RGS7: variants seen among roughly 807,000 people sequenced by gnomAD.
RGS7 encodes regulator of G-protein signaling 7.
In RGS7, 27 loss-of-function variants were observed where a neutral mutation model predicts 81.1. That is an observed-to-expected ratio of 0.33 (90% CI 0.25 to 0.46). RGS7 has a LOEUF of 0.46. Among genes scored for constraint, RGS7 ranks in the 20% least tolerant of loss-of-function variants. The pLI is 1.00. For missense variants in RGS7, 396 were observed against 607.4 expected (o/e 0.65, Z 3.66); for synonymous variants, 208 against 207.7 (o/e 1.00, Z -0.01).
At chr1:240,805,661 A>G (rs770997191) in intron 15 of RGS7, among the ~76,000 whole-genome samples, 4 of 152,168 alleles carry the variant, frequency 2.6e-5, no homozygotes, top group Non-Finnish European at 5.9e-5. Context: ...CACCAGAGAT[A>G]AAACTGGTTT....
chr1:241,106,960 T>C (rs1167869794), intron 2 of RGS7, among the ~76,000 whole-genome samples: 1 of 150,888 alleles, frequency 6.6e-6, no homozygotes, highest in Non-Finnish European at 1.5e-5. Context: ...CCACTGAAAA[T>C]AAATAAACAG....
At chr1:241,171,049 T>G (rs2070698921) in intron 2 of RGS7, among the ~76,000 whole-genome samples, 2 of 152,172 alleles carry the variant, frequency 1.3e-5, no homozygotes, top group East Asian at 1.9e-4. Flanking sequence ...AAAAAATTAT[T>G]GCTTTGCTGC....
chr1:240,799,250 GGTTTGTGTGT>G (rs1335112927), intron 18 of RGS7, among the ~76,000 whole-genome samples: 87 of 137,140 alleles, frequency 6.3e-4, no homozygotes, highest in Non-Finnish European at 1.1e-3. Context: ...TTATTATTAT[GGTTTGTGTGT>G]GTGTGTGTGT....
At chr1:240,883,498 C>T (rs1029069869) in intron 6 of RGS7, among the ~76,000 whole-genome samples, 2 of 152,150 alleles carry the variant, frequency 1.3e-5, no homozygotes, top group African/African-American at 2.4e-5. Flanking sequence ...TTAAACCTCA[C>T]ATTAAATCCT....
At chr1:241,230,496 G>A (rs1264194617) in intron 2 of RGS7, among the ~76,000 whole-genome samples, 1 of 152,172 alleles carries the variant, frequency 6.6e-6, no homozygotes, top group East Asian at 1.9e-4. Context: ...TTACTATCAT[G>A]AGCCACCGCA....
chr1:240,860,090 G>T (rs1257673863), intron 9 of RGS7, among the ~76,000 whole-genome samples: 1 of 152,092 alleles, frequency 6.6e-6, no homozygotes, highest in East Asian at 1.9e-4. Flanking sequence ...TTCTAAATTT[G>T]TTAAGGTGTG....
intron 2 of RGS7, among the ~76,000 whole-genome samples, chr1:241,139,524 G>A (rs1489770274): frequency 6.6e-6 from 1 of 152,182 alleles, no homozygotes; most frequent in Non-Finnish European, 1.5e-5. Flanking sequence ...ATATTTGAAA[G>A]TGGAATCATT....
intron 2 of RGS7, among the ~76,000 whole-genome samples, chr1:241,273,785 A>T (rs893401608): frequency 2.6e-5 from 4 of 152,100 alleles, no homozygotes; most frequent in African/African-American, 9.7e-5. Context: ...CCTTGTCCTT[A>T]AAAAAAGTCC....
intron 2 of RGS7, chr1:241,132,236 A>C (rs971263340): frequency 1.9e-5 from 3 of 154,800 alleles, no homozygotes; most frequent in African/African-American, 7.2e-5. Flanking sequence ...ATTTTTTTCC[A>C]GGTGGCCATG....
intron 3 of RGS7, among the ~76,000 whole-genome samples, chr1:241,059,634 C>T (rs2061645461): frequency 6.6e-6 from 1 of 152,066 alleles, no homozygotes; most frequent in Non-Finnish European, 1.5e-5. Flanking sequence ...TGTAAAGACC[C>T]AGGAAGCCCA....
chr1:240,867,957 T>C (rs1663617697), intron 9 of RGS7, among the ~76,000 whole-genome samples: 4 of 145,642 alleles, frequency 2.7e-5, no homozygotes, highest in Admixed American at 2.1e-4. Flanking sequence ...GCCAAGATCA[T>C]GCCACTGTAC....
intron 6 of RGS7, chr1:240,920,025 G>C: frequency 8.4e-7 from 1 of 1,197,580 alleles, no homozygotes. Context: ...AGATTATTTT[G>C]AACAGTTTGG....
chr1:240,909,342 A>G (rs191546592), intron 6 of RGS7, among the ~76,000 whole-genome samples: 173 of 152,312 alleles, frequency 1.1e-3, no homozygotes, highest in African/African-American at 3.9e-3. Flanking sequence ...TTACAGTACA[A>G]ATGCGAGTTA....
chr1:240,907,705 T>G (rs1671048742), intron 6 of RGS7, among the ~76,000 whole-genome samples: 1 of 152,180 alleles, frequency 6.6e-6, no homozygotes, highest in Non-Finnish European at 1.5e-5. Context: ...AACTTCAATG[T>G]TTGATCAAAA....
intron 2 of RGS7, among the ~76,000 whole-genome samples, chr1:241,238,524 C>T (rs973555746): frequency 5.9e-5 from 9 of 151,564 alleles, no homozygotes; most frequent in Non-Finnish European, 8.9e-5. Flanking sequence ...CTTTACTCAC[C>T]CTCTCTCTCT....
At chr1:240,982,121 A>T (rs533058868) in intron 4 of RGS7, among the ~76,000 whole-genome samples, 18 of 152,196 alleles carry the variant, frequency 1.2e-4, no homozygotes, top group South Asian at 6.2e-4. Context: ...TACATATTTT[A>T]AAAAAGCCAC....
At chr1:240,808,110 G>A (rs1001872951) in intron 14 of RGS7, among the ~76,000 whole-genome samples, 12 of 151,094 alleles carry the variant, frequency 7.9e-5, no homozygotes, top group Non-Finnish European at 4.4e-5. Flanking sequence ...CATATGCTCA[G>A]GCAAGTTCAT....
At chr1:241,201,914 T>C (rs569717302) in intron 2 of RGS7, among the ~76,000 whole-genome samples, 3 of 152,058 alleles carry the variant, frequency 2.0e-5, no homozygotes, top group Non-Finnish European at 4.4e-5. Flanking sequence ...TAATTGTTTA[T>C]ATGTGTCTCC....
At chr1:241,093,204 GATACTATT>G (rs1372976007) in intron 3 of RGS7, among the ~76,000 whole-genome samples, 8 of 151,992 alleles carry the variant, frequency 5.3e-5, no homozygotes, top group Admixed American at 5.2e-4. Context: ...TAAAGGCTTT[GATACTATT>G]ATACTCAAAC....
Sources: allele counts gnomAD v4.1 joint callset (sites outside exome capture counted in the v4.1 genomes callset), GRCh38; gene constraint gnomAD v4.1.1; transcripts MANE v1.5; gene names NCBI Gene and HGNC (gene_info 2026-07-23, HGNC 2026-07-21).